TENM3: variants seen among roughly 807,000 people sequenced by gnomAD.
The protein encoded by TENM3 is teneurin transmembrane protein 3, also known as teneurin-3.
In TENM3, 63 loss-of-function variants were observed where a neutral mutation model predicts 255.1. That is an observed-to-expected ratio of 0.25 (90% CI 0.20 to 0.30). The LOEUF is 0.30. TENM3 is among the 10% of genes least tolerant of loss of function. The pLI is 1.00. For missense variants in TENM3, 2,929 were observed against 3,461.1 expected (o/e 0.85, Z 3.86); for synonymous variants, 1,306 against 1,322.3 (o/e 0.99, Z 0.27).
intron 1 of TENM3, among the ~76,000 whole-genome samples, chr4:182,252,892 C>T (rs1038062716): frequency 1.3e-5 from 2 of 152,060 alleles, no homozygotes; most frequent in East Asian, 1.9e-4. Flanking sequence ...ACAAAGAAAC[C>T]CAGCTTCATG....
intron 1 of TENM3, among the ~76,000 whole-genome samples, chr4:182,311,763 G>A (rs1289219577): frequency 6.6e-6 from 1 of 152,186 alleles, no homozygotes; most frequent in African/African-American, 2.4e-5. Flanking sequence ...CTGAAAGAGA[G>A]GAATATGCCC....
intron 3 of TENM3, among the ~76,000 whole-genome samples, chr4:182,506,660 C>T (rs536368774): frequency 2.6e-5 from 4 of 152,012 alleles, no homozygotes; most frequent in Admixed American, 2.6e-4. Flanking sequence ...TACATGTACT[C>T]CAAATATATT....
At chr4:181,524,766 G>C in the TENM3 span, among the ~76,000 whole-genome samples, 1 of 152,082 alleles carries the variant, frequency 6.6e-6, no homozygotes, top group East Asian at 1.9e-4. Context: ...TACCAGGTAG[G>C]GGGTAAAGAG....
chr4:182,672,959 T>A, intron 6 of TENM3, 46 bp from the exon 7 acceptor site: 1 of 1,378,646 alleles, frequency 7.3e-7, no homozygotes, highest in Non-Finnish European at 9.8e-7. Flanking sequence ...TTGTTTTGTT[T>A]TTTTAAAAAA....
chr4:182,095,687 A>T, the TENM3 span, among the ~76,000 whole-genome samples: 2 of 152,152 alleles, frequency 1.3e-5, no homozygotes, highest in African/African-American at 4.8e-5. Flanking sequence ...TTAACAATTT[A>T]TTGTGTATTT....
the TENM3 span, among the ~76,000 whole-genome samples, chr4:181,636,775 C>A: frequency 2.0e-5 from 3 of 152,274 alleles, no homozygotes; most frequent in Admixed American, 6.5e-5. Flanking sequence ...ACGCAGCGAC[C>A]AAAGTAATCC....
At chr4:181,484,624 A>G in the TENM3 span, among the ~76,000 whole-genome samples, 1 of 152,186 alleles carries the variant, frequency 6.6e-6, no homozygotes, top group South Asian at 2.1e-4. Context: ...ACCTTACAGT[A>G]AGTGTTTAAT....
intron 24 of TENM3, among the ~76,000 whole-genome samples, chr4:182,787,858 G>A (rs1561253782): frequency 6.6e-6 from 1 of 150,584 alleles, no homozygotes; most frequent in Non-Finnish European, 1.5e-5. Flanking sequence ...TTAGCTTATC[G>A]AGCTGCCATT....
intron 5 of TENM3, 98 bp from the exon 6 acceptor site, chr4:182,653,673 G>A: frequency 7.5e-7 from 1 of 1,336,226 alleles, no homozygotes; most frequent in African/African-American, 1.5e-5. Context: ...AATGGAAATT[G>A]TAACTTTACA....
chr4:181,532,101 G>A, the TENM3 span, among the ~76,000 whole-genome samples: 3 of 152,154 alleles, frequency 2.0e-5, no homozygotes, highest in African/African-American at 7.2e-5. Context: ...TAGAAGTAGA[G>A]CGTGTCTGGG....
At chr4:181,600,349 G>A in the TENM3 span, among the ~76,000 whole-genome samples, 1 of 152,108 alleles carries the variant, frequency 6.6e-6, no homozygotes, top group Non-Finnish European at 1.5e-5. Context: ...GCTCGCACAT[G>A]GTTATCTCAT....
intron 1 of TENM3, among the ~76,000 whole-genome samples, chr4:182,284,247 A>G (rs549357105): frequency 6.6e-6 from 1 of 151,968 alleles, no homozygotes; most frequent in South Asian, 2.1e-4. Flanking sequence ...GCATTGCCAG[A>G]CTCCCAGTTT....
At chr4:181,925,805 T>C in the TENM3 span, among the ~76,000 whole-genome samples, 2 of 152,300 alleles carry the variant, frequency 1.3e-5, no homozygotes, top group African/African-American at 4.8e-5. Flanking sequence ...TAGACATCAA[T>C]CAGAATATTC....
the TENM3 span, among the ~76,000 whole-genome samples, chr4:181,581,728 C>CTTTT: frequency 7.2e-6 from 1 of 139,238 alleles, no homozygotes; most frequent in Non-Finnish European, 1.6e-5. Flanking sequence ...TTCCGCTTTA[C>CTTTT]TTTTTTTTTT....
At chr4:181,589,679 C>T in the TENM3 span, among the ~76,000 whole-genome samples, 1 of 152,112 alleles carries the variant, frequency 6.6e-6, no homozygotes, top group Non-Finnish European at 1.5e-5. Flanking sequence ...CACACAGGAG[C>T]CTTCATAAGG....
chr4:182,221,496 A>C (rs1047033083), intron 1 of TENM3, among the ~76,000 whole-genome samples: 7 of 152,212 alleles, frequency 4.6e-5, no homozygotes, highest in African/African-American at 7.2e-5. Flanking sequence ...AAAATACCAG[A>C]GCTGAAATCA....
At chr4:181,903,586 T>C in the TENM3 span, among the ~76,000 whole-genome samples, 1 of 152,234 alleles carries the variant, frequency 6.6e-6, no homozygotes, top group Admixed American at 6.5e-5. Flanking sequence ...TGTGTGACTT[T>C]GGGTAATTAA....
chr4:181,541,315 T>C, the TENM3 span, among the ~76,000 whole-genome samples: 2 of 152,042 alleles, frequency 1.3e-5, no homozygotes, highest in African/African-American at 4.8e-5. Context: ...CCTAGGAAGG[T>C]TGAGGCTGAA....
chr4:182,639,332 T>C (rs764470929), intron 5 of TENM3, among the ~76,000 whole-genome samples: 2 of 152,206 alleles, frequency 1.3e-5, no homozygotes, highest in Non-Finnish European at 2.9e-5. Context: ...TAAACCTGAA[T>C]TTCTTCCTCA....
Sources: gnomAD v4.1 joint callset for allele counts (sites outside exome capture counted in the v4.1 genomes callset) on GRCh38, gnomAD v4.1.1 for gene constraint, MANE v1.5 for transcripts, NCBI Gene and HGNC (gene_info 2026-07-23, HGNC 2026-07-21) for gene names.